Variants in ABHD6 observed in about 807,000 individuals in gnomAD.
ABHD6 encodes monoacylglycerol lipase ABHD6.
In ABHD6, 33 loss-of-function variants were observed where a neutral mutation model predicts 38.8. The observed-to-expected ratio is 0.85, with a 90% confidence interval of 0.64 to 1.14. ABHD6 has a LOEUF of 1.14. Ranked by LOEUF, ABHD6 falls within the 50% of genes most tolerant of loss-of-function variation. The pLI is 0.00. For synonymous variants in ABHD6, 147 were observed against 161.6 expected (o/e 0.91, Z 0.69); for missense variants, 380 against 422.6 (o/e 0.90, Z 0.88).
At chr3:58,275,464 G>C (rs369857036) in intron 7 of ABHD6, among the ~76,000 whole-genome samples, 1 of 151,722 alleles carries the variant, frequency 6.6e-6, no homozygotes, top group South Asian at 2.1e-4. Context: ...TGAGTAGCTG[G>C]GATTATAGGT....
intron 1 of ABHD6, among the ~76,000 whole-genome samples, chr3:58,244,349 C>T (rs747133539): frequency 1.3e-5 from 2 of 152,150 alleles, no homozygotes; most frequent in Non-Finnish European, 2.9e-5. Context: ...CTTGAGAAAT[C>T]AGTGAGGCCA....
chr3:58,283,290 A>C (rs1466376552), intron 7 of ABHD6, among the ~76,000 whole-genome samples: 1 of 152,326 alleles, frequency 6.6e-6, no homozygotes, highest in Middle Eastern at 3.4e-3. Context: ...AGAAAACTCC[A>C]TGTTTTGGGT....
At position 58,285,559 on chromosome 3, in the gene ABHD6, G is replaced by A. The variant is rs149057685; in HGVS notation, c.837+106G>A. The A allele has an allele frequency of 1.1e-3, 1,050 of 999,702 alleles. 10 individuals are homozygous for A. In the African/African-American group the frequency reaches 0.014, roughly 13 times the overall value. 61.9% of individuals were successfully genotyped at this position (999,702 alleles called of 1,614,324 possible). A position where few individuals can be genotyped will look rare whatever the true frequency, so the allele number is the denominator to read the frequency against. The stretch of plus-strand genomic sequence containing the variant: ...TTATTTATGGAGTGAGCTGATCGCT[G>A]CTGTCAGGAAGAGGGGGAAGGCACC... On this transcript the variant is annotated intron_variant, in intron 9 of 9. Coordinates refer to ENST00000478253, the MANE Select transcript of ABHD6 (RefSeq NM_001320126.2). The surrounding 1 kb of genome is among the most constrained non-coding windows in gnomAD (Gnocchi z 4.9).
intron 1 of ABHD6, among the ~76,000 whole-genome samples, chr3:58,246,237 C>G (rs1303077600): frequency 6.6e-6 from 1 of 152,184 alleles, no homozygotes; most frequent in Non-Finnish European, 1.5e-5. Context: ...GTAGGGCTGT[C>G]TTGTTTTAAA....
chr3:58,246,116 A>AAGCCTGTTGTGGGCTCCACTAG (rs1232346180), intron 1 of ABHD6, among the ~76,000 whole-genome samples: 26 of 152,196 alleles, frequency 1.7e-4, no homozygotes, highest in African/African-American at 6.3e-4. Context: ...GTTCAAATCA[A>AAGCCTGTTGTGGGCTCCACTAG]AGCCTGTTGT....
rs2097434389 is a variant in ABHD6, at chr3:58,257,780, T to A, written c.119+1075T>A. On this transcript the variant is annotated intron_variant, in intron 3 of 9. Coordinates refer to ENST00000478253, the MANE Select transcript of ABHD6 (RefSeq NM_001320126.2). The surrounding 1 kb of genome is among the most constrained non-coding windows in gnomAD (Gnocchi z 4.8). ...TGTTTAGGACAGAATGCTTTTAGAG[T>A]TGTTCTAGAAGTGTTCATTAGTAAA... Among the ~76,000 whole-genome samples, 1 of 152,062 alleles carries A rather than the reference T, an allele frequency of 6.6e-6. No individual in the cohort carries two copies. The highest frequency in any genetic ancestry group is 1.5e-5 in the Non-Finnish European group (1 of 68,018).
In ABHD6 at chr3:58,266,164, A is replaced by G. The variant is rs1394666427; in HGVS notation, c.120-1025A>G. Among the ~76,000 whole-genome samples the G allele has an allele frequency of 6.6e-6, 1 of 152,204 alleles. No individual in the cohort carries two copies. The highest frequency in any genetic ancestry group is 1.5e-5 in the Non-Finnish European group (1 of 68,038). On this transcript the variant is annotated intron_variant, in intron 3 of 9. Transcript: ENST00000478253. The surrounding 1 kb of genome is among the most constrained non-coding windows in gnomAD (Gnocchi z 4.0). ...AAAAAAGTTTCAAAAGAAACCAACCAGGTGCGGTTTAACCAGCTGGACGTC... is the reference window on the plus strand; with the variant it reads ...AAAAAAGTTTCAAAAGAAACCAACCGGGTGCGGTTTAACCAGCTGGACGTC...
intron 7 of ABHD6, among the ~76,000 whole-genome samples, chr3:58,275,060 A>G (rs1362520733): frequency 1.3e-5 from 2 of 152,228 alleles, no homozygotes; most frequent in Non-Finnish European, 2.9e-5. Context: ...AATAACAAGT[A>G]AACAATGAAC....
chr3:58,285,574 G>A lies in ABHD6; in HGVS notation c.837+121G>A. ...GCTGATCGCTGCTGTCAGGAAGAGG[G>A]GGAAGGCACCTGTGTTGGGTGCCAG... is the stretch of plus-strand genomic sequence containing the variant. On this transcript the variant is annotated intron_variant, in intron 9 of 9. Transcript: ENST00000478253. The surrounding 1 kb of genome is among the most constrained non-coding windows in gnomAD (Gnocchi z 4.9). 1.2e-6 allele frequency: 1 copy of A among 850,510 alleles called. No individual in the cohort carries two copies. Among genetic ancestry groups the A allele is most frequent in the Non-Finnish European group, 1.9e-6 (1 of 518,782 alleles). 52.7% of individuals were successfully genotyped at this position (850,510 alleles called of 1,614,324 possible). A position where few individuals can be genotyped will look rare whatever the true frequency, so the allele number is the denominator to read the frequency against.
intron 3 of ABHD6, among the ~76,000 whole-genome samples, chr3:58,264,046 C>G (rs1208849135): frequency 6.6e-6 from 1 of 151,984 alleles, no homozygotes; most frequent in Non-Finnish European, 1.5e-5. Context: ...GACATCATGT[C>G]ATAAATATTT....
At chr3:58,292,715 G>T (rs917581195) in intron 9 of ABHD6, among the ~76,000 whole-genome samples, 42 of 151,806 alleles carry the variant, frequency 2.8e-4, no homozygotes, top group Admixed American at 3.9e-4. Flanking sequence ...TCAGGAGTTC[G>T]AGACCAGCCT....
intron 6 of ABHD6, among the ~76,000 whole-genome samples, chr3:58,272,260 G>T (rs752469513): frequency 3.1e-4 from 47 of 152,196 alleles, no homozygotes; most frequent in Admixed American, 6.5e-4. Flanking sequence ...GAGGCACAGA[G>T]AAATTACATT....
At position 58,256,506 on chromosome 3, in the gene ABHD6, G is replaced by A. The variant is rs568051747; in HGVS notation, c.-25-56G>A. The A allele has an allele frequency of 5.0e-5, 52 of 1,047,682 alleles. No homozygotes were observed. The highest frequency in any genetic ancestry group is 3.6e-4 in the Admixed American group (16 of 44,568). The allele number at this position is 1,047,682 out of a possible 1,614,324, so 64.9% of individuals were successfully genotyped here. A position where few individuals can be genotyped will look rare whatever the true frequency, so the allele number is the denominator to read the frequency against. ...CTTTTCTTGTCCCCTTTACTTCTTC[G>A]CCTTTTTTCCTTTGATACAGAGTTT... On this transcript the variant is annotated intron_variant, in intron 2 of 9. Coordinates refer to ENST00000478253, the MANE Select transcript of ABHD6 (RefSeq NM_001320126.2). The surrounding 1 kb of genome is among the most constrained non-coding windows in gnomAD (Gnocchi z 4.3).
rs759716809 is a variant in ABHD6 at position 58,267,073 on chromosome 3, G to C, written c.120-116G>C. ...AGAGACTGATGGAGGACAAGGGCTGGAGAAGTGTTTGTGTTATCACTAAGG... is the reference window on the plus strand; with the variant it reads ...AGAGACTGATGGAGGACAAGGGCTGCAGAAGTGTTTGTGTTATCACTAAGG... On this transcript the variant is annotated intron_variant, in intron 3 of 9. Transcript: ENST00000478253. The surrounding 1 kb of genome is among the most constrained non-coding windows in gnomAD (Gnocchi z 4.3). 1.2e-5 allele frequency: 14 copies of C among 1,139,674 alleles called. No homozygotes were observed. The highest frequency in any genetic ancestry group is 9.0e-5 in the Admixed American group (4 of 44,346). 70.6% of individuals were successfully genotyped at this position (1,139,674 alleles called of 1,614,324 possible).
At chr3:58,261,872 G>T (rs2097437226) in intron 3 of ABHD6, among the ~76,000 whole-genome samples, 1 of 152,048 alleles carries the variant, frequency 6.6e-6, no homozygotes, top group Non-Finnish European at 1.5e-5. Flanking sequence ...TTGCAAGCAG[G>T]GTCTCAATGT....
intron 2 of ABHD6, among the ~76,000 whole-genome samples, chr3:58,255,645 T>C (rs1559772927): frequency 6.6e-6 from 1 of 151,786 alleles, no homozygotes; most frequent in Non-Finnish European, 1.5e-5. Context: ...TTTATTTTTA[T>C]TTATTTTTTA....
At chr3:58,246,848 A>C (rs962044616) in intron 1 of ABHD6, among the ~76,000 whole-genome samples, 1 of 152,202 alleles carries the variant, frequency 6.6e-6, no homozygotes, top group Non-Finnish European at 1.5e-5. Flanking sequence ...AGTTCCTGCC[A>C]TGCAGGCATA....
intron 3 of ABHD6, among the ~76,000 whole-genome samples, chr3:58,258,005 T>C (rs1248092909): frequency 6.6e-6 from 1 of 152,024 alleles, no homozygotes; most frequent in Non-Finnish European, 1.5e-5. Context: ...TTGCCATAAA[T>C]AGTAAATTAA....
chr3:58,260,648 TG>T (rs2097436325), intron 3 of ABHD6, among the ~76,000 whole-genome samples: 1 of 152,204 alleles, frequency 6.6e-6, no homozygotes, highest in Non-Finnish European at 1.5e-5. Context: ...TTTGCTCGGC[TG>T]CCAGTGATGA....
Sources: allele counts gnomAD v4.1 joint callset (sites outside exome capture counted in the v4.1 genomes callset), GRCh38; gene constraint gnomAD v4.1.1; non-coding constraint Gnocchi (gnomAD v3.1); transcripts MANE v1.5; gene names NCBI Gene and HGNC (gene_info 2026-07-23, HGNC 2026-07-21).